GRID2: variants seen among roughly 807,000 people sequenced by gnomAD.
GRID2 encodes the protein glutamate ionotropic receptor delta type subunit 2.
A neutral mutation model predicts 114.8 loss-of-function variants in GRID2; 33 were observed. The ratio of observed to expected loss-of-function variants is 0.29; its 90% CI spans 0.22 to 0.38. The LOEUF is 0.38. GRID2 is among the 10% of genes least tolerant of loss of function. The probability of loss-of-function intolerance (pLI) is 1.00; values close to 1 mark genes in which losing one functional copy is unlikely to be tolerated. For synonymous variants in GRID2, 505 were observed against 449.9 expected (o/e 1.12, Z -1.55); for missense variants, 1,184 against 1,257.7 (o/e 0.94, Z 0.89).
rs1043767173 is a variant in GRID2, at chr4:93,112,910, A to G, written c.735+1957A>G. Among the ~76,000 whole-genome samples, 23 of 152,300 alleles carry G rather than the reference A, an allele frequency of 1.5e-4. 1 individual carries two copies. The highest frequency in any genetic ancestry group is 1.5e-3 in the Admixed American group (23 of 15,292). On this transcript the variant is annotated intron_variant, in intron 4 of 15. Transcript: ENST00000282020. ...TATAAGGACATCAGTCGTTTGGATGAGGGTTCACCCTAATGACCTAATTTT... is the reference window on the plus strand; with the variant it reads ...TATAAGGACATCAGTCGTTTGGATGGGGGTTCACCCTAATGACCTAATTTT...
rs142675770 is a variant in GRID2, at chr4:92,310,420, T to A, written c.88+5676T>A. 8.9e-3 allele frequency among the ~76,000 whole-genome samples: 1,349 copies of A among 152,134 alleles called. 8 individuals carry two copies. The highest frequency in any genetic ancestry group is 0.014 in the Non-Finnish European group (928 of 67,870). Reference sequence around the variant, plus strand: ...AGATTTTGCCCTATGCCAAAGTTCATTAATTATTGGAAAATTAAATGATTA... The same window carrying A: ...AGATTTTGCCCTATGCCAAAGTTCAATAATTATTGGAAAATTAAATGATTA... On this transcript the variant is annotated intron_variant, in intron 1 of 15. Coordinates refer to ENST00000282020, the MANE Select transcript of GRID2 (RefSeq NM_001510.4).
Position 93,352,671 on chromosome 4 carries a change from T to C in GRID2, c.1246-42936T>C, listed in dbSNP as rs566627228. 5.3e-5 allele frequency among the ~76,000 whole-genome samples: 8 copies of C among 152,192 alleles called. No homozygotes were observed. In the South Asian group the frequency reaches 1.5e-3, roughly 28 times the overall value. On this transcript the variant is annotated intron_variant, in intron 8 of 15. Coordinates refer to ENST00000282020, the MANE Select transcript of GRID2 (RefSeq NM_001510.4). The stretch of plus-strand genomic sequence containing the variant: ...AATGACAACTAGTTTTATGGCCTGA[T>C]GCATTCAATTTCATTCTAGAAATAT...
chr4:93,127,523 G>A lies in GRID2; in HGVS notation c.735+16570G>A, dbSNP rs67502657. 4.4e-3 allele frequency among the ~76,000 whole-genome samples: 676 copies of A among 152,218 alleles called. 4 individuals are homozygous for A. Among genetic ancestry groups the A allele is most frequent in the Non-Finnish European group, 8.0e-3 (543 of 68,010 alleles). ...CTAATATTTATTGTGTTTTCCTTAC[G>A]TGCCAGACACTGCTGTATGTGTATT... On this transcript the variant is annotated intron_variant, in intron 4 of 15. Coordinates refer to ENST00000282020, the MANE Select transcript of GRID2 (RefSeq NM_001510.4).
At chr4:92,556,429 G>T (rs1003772319) in intron 1 of GRID2, among the ~76,000 whole-genome samples, 1 of 151,964 alleles carries the variant, frequency 6.6e-6, no homozygotes, top group Non-Finnish European at 1.5e-5. Flanking sequence ...TGAGATGAAA[G>T]GCGATTTAAG....
intron 2 of GRID2, among the ~76,000 whole-genome samples, chr4:92,741,245 G>T (rs1297283257): frequency 3.3e-5 from 5 of 152,124 alleles, no homozygotes; most frequent in Admixed American, 6.6e-5. Flanking sequence ...ATAGATGGTT[G>T]TGTGGATTTA....
intron 1 of GRID2, among the ~76,000 whole-genome samples, chr4:92,573,519 T>C (rs1402914159): frequency 6.6e-6 from 1 of 152,180 alleles, no homozygotes; most frequent in African/African-American, 2.4e-5. Context: ...GTTTCTCTGT[T>C]GTCATTAGTT....
chr4:92,626,147 A>T (rs1730510846), intron 2 of GRID2, among the ~76,000 whole-genome samples: 1 of 152,066 alleles, frequency 6.6e-6, no homozygotes, highest in East Asian at 1.9e-4. Context: ...ACACCAAGCC[A>T]TATGACAAAT....
chr4:93,616,781 A>G (rs1161766046), intron 13 of GRID2, among the ~76,000 whole-genome samples: 1 of 151,716 alleles, frequency 6.6e-6, no homozygotes, highest in East Asian at 1.9e-4. Flanking sequence ...AAAATCAGTG[A>G]GGCGATCGAG....
intron 8 of GRID2, among the ~76,000 whole-genome samples, chr4:93,250,202 G>A (rs752165722): frequency 5.9e-5 from 9 of 152,086 alleles, no homozygotes; most frequent in Non-Finnish European, 1.2e-4. Flanking sequence ...GTAGGGACAC[G>A]GATGAAGCTG....
At chr4:93,262,241 A>T (rs1044171876) in intron 8 of GRID2, among the ~76,000 whole-genome samples, 1 of 151,976 alleles carries the variant, frequency 6.6e-6, no homozygotes, top group African/African-American at 2.4e-5. Context: ...TTAGGGCAAT[A>T]AGACAAGCCA....
At chr4:93,418,520 CATA>C (rs1767944238) in intron 9 of GRID2, among the ~76,000 whole-genome samples, 1 of 152,028 alleles carries the variant, frequency 6.6e-6, no homozygotes, top group African/African-American at 2.4e-5. Flanking sequence ...ACACAATAAA[CATA>C]ATATTTCCAA....
At chr4:92,695,066 A>C (rs1417998265) in intron 2 of GRID2, among the ~76,000 whole-genome samples, 1 of 152,076 alleles carries the variant, frequency 6.6e-6, no homozygotes, top group Non-Finnish European at 1.5e-5. Context: ...TCCCGGACTC[A>C]AGTGATCCTC....
At chr4:93,712,905 G>T (rs1388240613) in intron 14 of GRID2, among the ~76,000 whole-genome samples, 1 of 152,048 alleles carries the variant, frequency 6.6e-6, no homozygotes, top group Non-Finnish European at 1.5e-5. Context: ...ATTTGTAAGG[G>T]TATAAGAGAT....
Position 93,255,937 on chromosome 4 carries a change from T to C in GRID2, c.1245+17447T>C, listed in dbSNP as rs144048487. On this transcript the variant is annotated intron_variant, in intron 8 of 15. Transcript: ENST00000282020. ...ATATAATTACAGTTTTATAGTTATG[T>C]TATAGTTTATTGAAGTCCAAGAAAA... Among the ~76,000 whole-genome samples the C allele has an allele frequency of 5.6e-3, 851 of 152,212 alleles. 13 individuals are homozygous for C. The highest frequency in any genetic ancestry group is 0.019 in the African/African-American group (802 of 41,574).
At chr4:93,021,679 ATTAT>A (rs1026610003) in intron 2 of GRID2, among the ~76,000 whole-genome samples, 20 of 140,634 alleles carry the variant, frequency 1.4e-4, no homozygotes, top group East Asian at 4.5e-4. Context: ...TATAAATATA[ATTAT>A]TTATAATATG....
chr4:92,463,938 CA>C (rs1397944327), intron 1 of GRID2, among the ~76,000 whole-genome samples: 4 of 151,452 alleles, frequency 2.6e-5, no homozygotes, highest in Admixed American at 1.3e-4. Context: ...TTCTTTTAAA[CA>C]TTTTTTTTTA....
intron 2 of GRID2, among the ~76,000 whole-genome samples, chr4:92,618,454 C>A (rs564231323): frequency 6.6e-6 from 1 of 151,818 alleles, no homozygotes; most frequent in African/African-American, 2.4e-5. Flanking sequence ...ACACCTTCAG[C>A]TTTGTTCATT....
At chr4:93,777,609 A>G (rs1242137433), downstream of GRID2, among the ~76,000 whole-genome samples, 1 of 152,222 alleles carries the variant, frequency 6.6e-6, no homozygotes, top group Non-Finnish European at 1.5e-5. Context: ...CCTTGGAGTA[A>G]GCAACACATT....
intron 14 of GRID2, among the ~76,000 whole-genome samples, chr4:93,659,674 G>A (rs1000498595): frequency 6.6e-6 from 1 of 152,126 alleles, no homozygotes; most frequent in Non-Finnish European, 1.5e-5. Context: ...AGGAAGAAGA[G>A]ATATAATGAA....
Sources: allele counts gnomAD v4.1 joint callset (sites outside exome capture counted in the v4.1 genomes callset), GRCh38; gene constraint gnomAD v4.1.1; transcripts MANE v1.5; gene names NCBI Gene and HGNC (gene_info 2026-07-23, HGNC 2026-07-21).